FAM20C: variants seen among roughly 807,000 people sequenced by gnomAD.
FAM20C encodes extracellular serine/threonine protein kinase FAM20C.
In FAM20C, 40 loss-of-function variants were observed where a neutral mutation model predicts 51.5. The observed-to-expected ratio is 0.78, with a 90% CI of 0.60 to 1.01. The LOEUF (loss-of-function observed/expected upper bound fraction) is 1.01. Among genes scored for constraint, FAM20C ranks in the 50% least tolerant of loss-of-function variants. The pLI is 0.00. For missense variants in FAM20C, 861 were observed against 844.7 expected (o/e 1.02, Z -0.24); for synonymous variants, 406 against 380.6 (o/e 1.07, Z -0.78).
In FAM20C at chr7:193,347, C is replaced by T; in HGVS notation, c.148C>T (p.Gln50Ter). 7.7e-7 allele frequency: 1 copy of T among 1,291,848 alleles called. No individual in the cohort carries two copies. The highest frequency in any genetic ancestry group is 2.1e-5 in the South Asian group (1 of 47,926). 80.0% of individuals were successfully genotyped at this position (1,291,848 alleles called of 1,614,324 possible). A position where few individuals can be genotyped will look rare whatever the true frequency, so the allele number is the denominator to read the frequency against. Residue 50 changes from glutamine (Q) to a stop codon, truncating the protein, a stop_gained, in exon 1 of 10, where the codon CAG becomes TAG. Transcript: ENST00000313766. LOFTEE classifies it high-confidence loss of function. ...GGGGGAGCCCGGCTGTTCGTGCGCGCAGCCCGCCGCCGAGGTGGCCGCGCC... is the reference window on the plus strand; with the variant it reads ...GGGGGAGCCCGGCTGTTCGTGCGCGTAGCCCGCCGCCGAGGTGGCCGCGCC... ...PSGEPGCSCA[Q>*]PAAEVAAPGW...
At chr7:210,863 C>A (rs1233537222) in intron 3 of FAM20C, among the ~76,000 whole-genome samples, 1 of 152,136 alleles carries the variant, frequency 6.6e-6, no homozygotes, top group African/African-American at 2.4e-5. Flanking sequence ...CTGCTCTAAC[C>A]CAGGCCCTGC....
chr7:222,923 GGT>G (rs1240268958), intron 3 of FAM20C, among the ~76,000 whole-genome samples: 2 of 152,032 alleles, frequency 1.3e-5, no homozygotes, highest in Admixed American at 6.5e-5. Context: ...TGCATGTGTG[GGT>G]GTGTGTACAC....
At chr7:241,681 T>C (rs1204957297) in intron 3 of FAM20C, among the ~76,000 whole-genome samples, 2 of 152,122 alleles carry the variant, frequency 1.3e-5, no homozygotes, top group African/African-American at 4.8e-5. Context: ...CGCACATGTA[T>C]CTGTGCACAT....
rs1379396147 is a variant in FAM20C, at chr7:193,276, C to T, written c.77C>T (p.Ala26Val). The change falls in exon 1 of 10, where the codon GCC becomes GTC. Residue 26 changes from alanine to valine, a missense_variant. By Grantham distance (64) the Ala-to-Val change is moderately conservative (BLOSUM62 0). Around this residue, in one of 3 missense-constraint regions of FAM20C, gnomAD observed 561 missense variants for 499.8 expected, o/e 1.12. Transcript: ENST00000313766. The part of the protein sequence containing the change: ...VFLVACALHI[A>V]LDLLPRLERR... ...CTGGTGGCCTGCGCGCTGCACATCG[C>T]CCTGGACCTGCTGCCCAGGCTGGAG... 4.8e-6 allele frequency: 7 copies of T among 1,448,912 alleles called. No homozygotes were observed. Among genetic ancestry groups the T allele is most frequent in the Non-Finnish European group, 5.5e-6 (6 of 1,097,012 alleles). 89.8% of individuals were successfully genotyped at this position (1,448,912 alleles called of 1,614,324 possible). A position where few individuals can be genotyped will look rare whatever the true frequency, so the allele number is the denominator to read the frequency against.
chr7:247,190 C>T (rs992047544), intron 4 of FAM20C, among the ~76,000 whole-genome samples: 3 of 152,228 alleles, frequency 2.0e-5, no homozygotes, highest in African/African-American at 7.2e-5. Context: ...CCAGAGGGGC[C>T]GCCCCAGCCC....
At chr7:259,599 TGTCTCTGTCCCC>T in intron 9 of FAM20C, 120 bp from the exon 10 acceptor site, 2 of 1,112,416 alleles carry the variant, frequency 1.8e-6, no homozygotes, top group Admixed American at 2.8e-5. Flanking sequence ...TTTTTCTCTC[TGTCTCTGTCCCC>T]CTCTTTCTCT....
At chr7:207,939 C>T (rs1786512992) in intron 2 of FAM20C, among the ~76,000 whole-genome samples, 1 of 152,232 alleles carries the variant, frequency 6.6e-6, no homozygotes, top group African/African-American at 2.4e-5. Flanking sequence ...GTTCTTGAGC[C>T]TCCTGGTGGC....
At chr7:255,340 C>T (rs536254652) in intron 5 of FAM20C, among the ~76,000 whole-genome samples, 13 of 152,268 alleles carry the variant, frequency 8.5e-5, no homozygotes, top group African/African-American at 2.2e-4. Flanking sequence ...CGATGGCGCC[C>T]GTCTCTTCTC....
At chr7:216,622 A>AGT (rs1253878273) in intron 3 of FAM20C, among the ~76,000 whole-genome samples, 1 of 51,312 alleles carries the variant, frequency 1.9e-5, no homozygotes, top group Non-Finnish European at 3.6e-5. Flanking sequence ...TGTGTGTATG[A>AGT]GTGTGTGTGA....
intron 3 of FAM20C, among the ~76,000 whole-genome samples, chr7:231,136 C>T (rs1787656501): frequency 1.3e-5 from 2 of 152,140 alleles, no homozygotes; most frequent in South Asian, 2.1e-4. Context: ...AGGACCCTCC[C>T]ATCCAAGCAT....
intron 2 of FAM20C, among the ~76,000 whole-genome samples, chr7:204,123 C>G (rs1364203885): frequency 6.6e-6 from 1 of 152,178 alleles, no homozygotes; most frequent in African/African-American, 2.4e-5. Context: ...GTTAAAAATC[C>G]GTGCAGTGTA....
At position 235,281 on chromosome 7, in the gene FAM20C, C is replaced by T. The variant is rs1054532634; in HGVS notation, c.864-11134C>T. Among the ~76,000 whole-genome samples the T allele has an allele frequency of 6.1e-3, 924 of 152,240 alleles. 15 individuals are homozygous for T. The highest frequency in any genetic ancestry group is 0.021 in the African/African-American group (875 of 41,508). ...CTGAGCATGCTGGTGTCTTCTGCCT[C>T]CACGGTCTGGGGTATCCGGCGCCTT... On this transcript the variant is annotated intron_variant, in intron 3 of 9. Transcript: ENST00000313766.
At chr7:212,032 G>A (rs1334542044) in intron 3 of FAM20C, among the ~76,000 whole-genome samples, 1 of 152,220 alleles carries the variant, frequency 6.6e-6, no homozygotes. Context: ...AGCCAGTGGC[G>A]CCCCTGATGA....
At chr7:231,261 C>T (rs1172492160) in intron 3 of FAM20C, among the ~76,000 whole-genome samples, 1 of 152,172 alleles carries the variant, frequency 6.6e-6, no homozygotes, top group Admixed American at 6.5e-5. Flanking sequence ...GCAGGAGCAG[C>T]AGCAGCATGT....
chr7:193,560 T>A lies in FAM20C; in HGVS notation c.361T>A (p.Leu121Met). Residue 121 changes from leucine to methionine, a missense_variant, in exon 1 of 10, where the codon TTG (leucine) becomes ATG (methionine). Physicochemically the swap from Leu to Met is conservative, Grantham distance 15 (BLOSUM62 2). Around this residue, in one of 3 missense-constraint regions of FAM20C, gnomAD observed 561 missense variants for 499.8 expected, o/e 1.12. Transcript: ENST00000313766. ...PPAAEPAERALRGRDPGALRP... is the reference protein window; with the variant it reads ...PPAAEPAERAMRGRDPGALRP... ...CGCGGCCGAGCCGGCCGAGCGCGCCTTGCGGGGGCGGGATCCCGGCGCCCT... is the reference window on the plus strand; with the variant it reads ...CGCGGCCGAGCCGGCCGAGCGCGCCATGCGGGGGCGGGATCCCGGCGCCCT... 1 of 1,497,526 alleles carries A rather than the reference T, an allele frequency of 6.7e-7. No individual in the cohort carries two copies. Among genetic ancestry groups the A allele is most frequent in the South Asian group, 1.3e-5 (1 of 78,698 alleles). The allele number at this position is 1,497,526 out of a possible 1,614,324, so 92.8% of individuals were successfully genotyped here. A position where few individuals can be genotyped will look rare whatever the true frequency, so the allele number is the denominator to read the frequency against.
intron 2 of FAM20C, among the ~76,000 whole-genome samples, chr7:207,830 G>T (rs1164258516): frequency 3.3e-5 from 5 of 152,238 alleles, no homozygotes; most frequent in Non-Finnish European, 7.3e-5. Flanking sequence ...CCAGGCCGAG[G>T]CCAGCCCCTT....
chr7:241,736 T>C (rs1339122989), intron 3 of FAM20C, among the ~76,000 whole-genome samples: 1 of 151,680 alleles, frequency 6.6e-6, no homozygotes, highest in East Asian at 1.9e-4. Context: ...TGAGCGCCCG[T>C]GTGTGTGTTT....
At chr7:193,963 T>A in intron 1 of FAM20C, 159 bp downstream of exon 1, 1 of 1,151,394 alleles carries the variant, frequency 8.7e-7, no homozygotes. Flanking sequence ...GGCGCTGCCT[T>A]TGTCTCCAGA....
chr7:215,876 A>G (rs60660177), intron 3 of FAM20C, among the ~76,000 whole-genome samples: 30 of 12,296 alleles, frequency 2.4e-3, no homozygotes, highest in South Asian at 4.4e-3. Flanking sequence ...GAGAGGATGG[A>G]GCTGGGTGGG....
Sources: allele counts gnomAD v4.1 joint callset (sites outside exome capture counted in the v4.1 genomes callset), GRCh38; gene constraint gnomAD v4.1.1; regional missense constraint gnomAD v4.1.1; transcripts MANE v1.5; gene names NCBI Gene and HGNC (gene_info 2026-07-23, HGNC 2026-07-21).